Variants in CAPN3 observed in about 807,000 individuals in gnomAD.
CAPN3 encodes calpain 3, also known as calpain-3.
A neutral mutation model predicts 114.0 loss-of-function variants in CAPN3; 88 were observed. The ratio of observed to expected loss-of-function variants is 0.77; its 90% confidence interval spans 0.65 to 0.92. The LOEUF is 0.92. Among genes scored for constraint, CAPN3 ranks in the 40% least tolerant of loss-of-function variants. CAPN3 has a pLI of 0.00. For synonymous variants in CAPN3, 386 were observed against 382.9 expected (o/e 1.01, Z -0.09); for missense variants, 1,028 against 1,069.0 (o/e 0.96, Z 0.53).
chr15:42,407,340 GTTT>G (rs28364521), intron 15 of CAPN3, among the ~76,000 whole-genome samples: 2 of 151,478 alleles, frequency 1.3e-5, no homozygotes, highest in African/African-American at 4.9e-5. Context: ...GATATTTTTG[GTTT>G]TTTTTGAGAC....
Position 42,410,415 on chromosome 15 carries a change from C to A in CAPN3, c.2116-13C>A. The A allele has an allele frequency of 6.2e-7, 1 of 1,613,860 alleles. No homozygotes were observed. Among genetic ancestry groups the A allele is most frequent in the South Asian group, 1.1e-5 (1 of 91,074 alleles). On this transcript the variant is annotated splice_polypyrimidine_tract_variant and intron_variant, in intron 19 of 23. Coordinates refer to ENST00000397163, the MANE Select transcript of CAPN3 (RefSeq NM_000070.3). ...TTGCTGTGTGCTGTGTAGCCCTGAC[C>A]TCCCTCCTCCAGACAGATGGCTCTG... is the stretch of plus-strand genomic sequence containing the variant.
At position 42,410,429 on chromosome 15, in the gene CAPN3, CAGAT is replaced by C. The variant is rs1595846922; in HGVS notation, c.2118_2121del (p.Asp707AlafsTer68). The C allele has an allele frequency of 6.2e-7, 1 of 1,614,038 alleles. No homozygotes were observed. Among genetic ancestry groups the C allele is most frequent in the Non-Finnish European group, 8.5e-7 (1 of 1,179,946 alleles). Reference sequence around the variant, plus strand: ...GTAGCCCTGACCTCCCTCCTCCAGACAGATGGCTCTGGAAAGCTCAACCTGCAGG... The same window carrying C: ...GTAGCCCTGACCTCCCTCCTCCAGACGGCTCTGGAAAGCTCAACCTGCAGG... On this transcript the variant is annotated frameshift_variant and splice_region_variant, in exon 20 of 24. Coordinates refer to ENST00000397163, the MANE Select transcript of CAPN3 (RefSeq NM_000070.3). LOFTEE classifies it high-confidence loss of function.
intron 10 of CAPN3, among the ~76,000 whole-genome samples, chr15:42,401,158 C>T (rs892293099): frequency 2.0e-5 from 3 of 151,784 alleles, no homozygotes; most frequent in Non-Finnish European, 4.4e-5. Flanking sequence ...CGCGCCACTG[C>T]ACTCTAGCCT....
rs1333287536 is a variant in CAPN3, at chr15:42,397,128, C to T, written c.1193+251C>T. On this transcript the variant is annotated intron_variant, in intron 9 of 23. Transcript: ENST00000397163. Reference sequence around the variant, plus strand: ...CCTGTGTGCCCCTCCGCCACACACTCTATTCCAGCCACAGGCACCCTGGCC... The same window carrying T: ...CCTGTGTGCCCCTCCGCCACACACTTTATTCCAGCCACAGGCACCCTGGCC... 2.0e-5 allele frequency among the ~76,000 whole-genome samples: 3 copies of T among 152,322 alleles called. No homozygotes were observed. In the East Asian group the frequency reaches 5.8e-4, roughly 29 times the overall value.
chr15:42,375,668 T>A lies in CAPN3; in HGVS notation c.310-8815T>A, dbSNP rs931391819. On this transcript the variant is annotated intron_variant, in intron 1 of 23. Transcript: ENST00000397163. Reference sequence around the variant, plus strand: ...ATCTATTTTTTAAATAAACTGTAAATTTCAGAATGGTTTTAGATTTACAGG... The same window carrying A: ...ATCTATTTTTTAAATAAACTGTAAAATTCAGAATGGTTTTAGATTTACAGG... Among the ~76,000 whole-genome samples, 29 of 152,194 alleles carry A rather than the reference T, an allele frequency of 1.9e-4. 1 individual carries two copies. The highest frequency in any genetic ancestry group is 1.3e-4 in the Admixed American group (2 of 15,270).
At chr15:42,364,510 GTGTT>G (rs1566967483) in intron 1 of CAPN3, among the ~76,000 whole-genome samples, 1 of 152,214 alleles carries the variant, frequency 6.6e-6, no homozygotes, top group African/African-American at 2.4e-5. Flanking sequence ...CTACAGCAAT[GTGTT>G]TGAGTACTTC....
rs773638596 is a variant in CAPN3, at chr15:42,409,784, C to T, written c.1993-3C>T. ...CATGACCCTCCTCTCCCTTCCTCCTCAGGACATGGAGATCTGTGCAGATGA... is the reference window on the plus strand; with the variant it reads ...CATGACCCTCCTCTCCCTTCCTCCTTAGGACATGGAGATCTGTGCAGATGA... On this transcript the variant is annotated splice_region_variant and splice_polypyrimidine_tract_variant and intron_variant, in intron 17 of 23. Coordinates refer to ENST00000397163, the MANE Select transcript of CAPN3 (RefSeq NM_000070.3). The T allele has an allele frequency of 1.9e-6, 3 of 1,602,998 alleles. No individual in the cohort carries two copies. In the South Asian group the frequency reaches 3.3e-5, roughly 18 times the overall value.
intron 2 of CAPN3, chr15:42,385,531 CAGAG>C (rs751078121): frequency 0.042 from 14,507 of 342,312 alleles, 108 homozygotes; most frequent in Non-Finnish European, 0.056. Context: ...TATACACACA[CAGAG>C]AGAGAGAGAG....
At position 42,412,142 on chromosome 15, in the gene CAPN3, C is replaced by T. The variant is rs1379240422; in HGVS notation, c.*369C>T. The T allele has an allele frequency of 6.5e-7, 1 of 1,536,086 alleles. No individual in the cohort carries two copies. The highest frequency in any genetic ancestry group is 1.4e-5 in the African/African-American group (1 of 73,164). On this transcript the variant is annotated 3_prime_UTR_variant, in exon 24 of 24. Coordinates refer to ENST00000397163, the MANE Select transcript of CAPN3 (RefSeq NM_000070.3). ...CAGCACCTCCTTGTGCTAGAGCCCT[C>T]CATCACCTTCACGCTGTCCCACCAT...
At chr15:42,371,534 G>A (rs2052947377) in intron 1 of CAPN3, among the ~76,000 whole-genome samples, 1 of 152,130 alleles carries the variant, frequency 6.6e-6, no homozygotes, top group South Asian at 2.1e-4. Flanking sequence ...GCCTTTTGCT[G>A]ATTTTTCTAC....
Position 42,411,362 on chromosome 15 carries a change from G to A in CAPN3, c.2439+17G>A. The A allele has an allele frequency of 1.2e-6, 2 of 1,611,774 alleles. No homozygotes were observed. Among genetic ancestry groups the A allele is most frequent in the Non-Finnish European group, 1.7e-6 (2 of 1,177,862 alleles). On this transcript the variant is annotated intron_variant, in intron 23 of 23. Coordinates refer to ENST00000397163, the MANE Select transcript of CAPN3 (RefSeq NM_000070.3). ...GTTCTGGAGGTAAAGCATAGGCACA[G>A]CACATTCCCCCTACACATTAAAACT...
chr15:42,375,980 GT>G (rs889174726), intron 1 of CAPN3, among the ~76,000 whole-genome samples: 32 of 152,238 alleles, frequency 2.1e-4, no homozygotes, highest in African/African-American at 7.7e-4. Flanking sequence ...GACCTTCACA[GT>G]TTTTTAAAGA....
intron 9 of CAPN3, among the ~76,000 whole-genome samples, chr15:42,397,771 A>G (rs1336242369): frequency 6.6e-6 from 1 of 152,138 alleles, no homozygotes. Flanking sequence ...GGCTGGTCTC[A>G]AACTCCTGGG....
intron 6 of CAPN3, among the ~76,000 whole-genome samples, chr15:42,391,899 C>T (rs1177756647): frequency 6.6e-6 from 1 of 152,174 alleles, no homozygotes; most frequent in Non-Finnish European, 1.5e-5. Flanking sequence ...CGCAGTGGCT[C>T]ATGCCTGTAA....
intron 1 of CAPN3, 33 bp downstream of exon 1, chr15:42,360,147 C>T (rs776688758): frequency 1.2e-6 from 2 of 1,612,960 alleles, no homozygotes; most frequent in Non-Finnish European, 8.5e-7. Context: ...GCTGGGTTTT[C>T]CCCCCACGGA....
chr15:42,390,266 G>A (rs1240735114), intron 6 of CAPN3, among the ~76,000 whole-genome samples, 170 bp downstream of exon 6: 3 of 152,214 alleles, frequency 2.0e-5, no homozygotes, highest in African/African-American at 7.2e-5. Context: ...CCTGAAGAGG[G>A]TGCAAGAACC....
chr15:42,404,062 A>AGG lies in CAPN3; in HGVS notation c.1782+287_1782+288dup, dbSNP rs1443344000. The AGG allele has an allele frequency of 1.8e-5, 10 of 557,650 alleles. No homozygotes were observed. The East Asian group carries it at 4.1e-4, about 23-fold the overall frequency. 34.5% of individuals were successfully genotyped at this position (557,650 alleles called of 1,614,324 possible). A position where few individuals can be genotyped will look rare whatever the true frequency, so the allele number is the denominator to read the frequency against. On this transcript the variant is annotated intron_variant, in intron 14 of 23. Transcript: ENST00000397163. Reference sequence around the variant, plus strand: ...AATCGGAGGGAACAAGGCCACAGGAAGGGATGACAAGAGCCGCAGCGAACA... The same window carrying AGG: ...AATCGGAGGGAACAAGGCCACAGGAAGGGGGATGACAAGAGCCGCAGCGAACA...
intron 5 of CAPN3, 131 bp from the exon 6 acceptor site, chr15:42,389,822 G>A (rs918629110): frequency 3.7e-5 from 36 of 974,254 alleles, no homozygotes; most frequent in African/African-American, 1.9e-4. Flanking sequence ...TCCTCCATTC[G>A]TGCTCTGTTG....
At chr15:42,410,342 A>G (rs900464115) in intron 19 of CAPN3, 86 bp from the exon 20 acceptor site, 114 of 1,184,220 alleles carry the variant, frequency 9.6e-5, no homozygotes, top group Middle Eastern at 7.6e-4. Flanking sequence ...GGCAGTGGGT[A>G]GGACAGCCCG....
Sources: allele counts gnomAD v4.1 joint callset (sites outside exome capture counted in the v4.1 genomes callset), GRCh38; gene constraint gnomAD v4.1.1; transcripts MANE v1.5; gene names NCBI Gene and HGNC (gene_info 2026-07-23, HGNC 2026-07-21).